Variants in ZNF678 observed in about 807,000 individuals in gnomAD.
The protein encoded by ZNF678 is zinc finger protein 678.
In ZNF678, 5 loss-of-function variants were observed where a neutral mutation model predicts 3.0. That is an observed-to-expected ratio of 1.69 (90% CI 0.88 to 3.56). The LOEUF (loss-of-function observed/expected upper bound fraction) is 3.56, where lower values mean the gene tolerates loss of function less well. Among genes scored for constraint, ZNF678 ranks in the 30% most tolerant of loss-of-function variants. The pLI is 0.00. For missense variants in ZNF678, 593 were observed against 605.0 expected, an observed-to-expected ratio of 0.98 and a Z score of 0.21; for synonymous variants, 218 against 199.6, an observed-to-expected ratio of 1.09 and a Z score of -0.78.
In ZNF678 at chr1:227,660,778, A is replaced by G. The variant is rs1161049956; in HGVS notation, c.*4950A>G. 1 of 152,198 alleles carries G rather than the reference A, an allele frequency of 6.6e-6. No homozygotes were observed. The highest frequency in any genetic ancestry group is 1.5e-5 in the Non-Finnish European group (1 of 68,030). 9.4% of individuals were successfully genotyped at this position (152,198 alleles called of 1,614,324 possible). A position where few individuals can be genotyped will look rare whatever the true frequency, so the allele number is the denominator to read the frequency against. ...TGAAGTTAGATATATTTGCCTTACT[A>G]TAACTCTTAGAAAAAAGGCTTACAA... On this transcript the variant is annotated 3_prime_UTR_variant, in exon 4 of 4. Transcript: ENST00000343776.
intron 1 of ZNF678, among the ~76,000 whole-genome samples, chr1:227,632,222 A>G (rs932433264): frequency 3.3e-5 from 5 of 151,964 alleles, no homozygotes; most frequent in Non-Finnish European, 7.4e-5. Context: ...CCTAGTGCCT[A>G]AGGATGCAGT....
chr1:227,573,107 T>C (rs534321215), intron 1 of ZNF678, among the ~76,000 whole-genome samples: 7 of 152,158 alleles, frequency 4.6e-5, no homozygotes, highest in Admixed American at 2.0e-4. Context: ...CCAGGTGCGG[T>C]GACAAGAAGG....
intron 1 of ZNF678, among the ~76,000 whole-genome samples, chr1:227,621,229 G>C (rs1199588144): frequency 6.6e-6 from 1 of 152,206 alleles, no homozygotes; most frequent in South Asian, 2.1e-4. Flanking sequence ...CTGGACAACA[G>C]AGCAAGATTC....
chr1:227,645,374 G>A lies in ZNF678; in HGVS notation c.-163-1170G>A, dbSNP rs1248638620. On this transcript the variant is annotated intron_variant, in intron 1 of 3. Transcript: ENST00000343776. ...AGCTGTTTCTCCAGAAATGTCATGT[G>A]TTTAAAACTTGCAGACTTTTATTTA... Among the ~76,000 whole-genome samples the A allele has an allele frequency of 5.9e-5, 9 of 152,256 alleles. No homozygotes were observed. The South Asian group carries it at 1.2e-3, about 21-fold the overall frequency.
At chr1:227,667,225 A>G (rs1475603648), downstream of ZNF678, among the ~76,000 whole-genome samples, 9 of 151,842 alleles carry the variant, frequency 5.9e-5, no homozygotes, top group Non-Finnish European at 2.9e-5. Context: ...TTGTAGAGAC[A>G]GGGTTTTGCC....
intron 1 of ZNF678, among the ~76,000 whole-genome samples, chr1:227,573,895 C>A (rs1473570292): frequency 1.3e-5 from 2 of 152,306 alleles, no homozygotes; most frequent in East Asian, 3.9e-4. Flanking sequence ...CATCATTTAG[C>A]TTCCACTTAC....
intron 1 of ZNF678, among the ~76,000 whole-genome samples, chr1:227,636,434 T>G (rs1658681354): frequency 6.6e-6 from 1 of 152,206 alleles, no homozygotes; most frequent in East Asian, 1.9e-4. Context: ...TTGGTTTTGT[T>G]GCGCCGAGCA....
At position 227,646,634 on chromosome 1, in the gene ZNF678, G is replaced by A. The variant is rs761007656; in HGVS notation, c.-73G>A. 1 of 1,372,494 alleles carries A rather than the reference G, an allele frequency of 7.3e-7. No individual in the cohort carries two copies. Among genetic ancestry groups the A allele is most frequent in the South Asian group, 1.1e-5 (1 of 88,950 alleles). 85.0% of individuals were successfully genotyped at this position (1,372,494 alleles called of 1,614,324 possible). ...TGCCCAGCGAAATTTGTATAGGGAT[G>A]TGATGTTCGAGAACTACAGAAACCT... On this transcript the variant is annotated 5_prime_UTR_variant, in exon 2 of 4. It adds an upstream start codon to the 5' untranslated region. Transcript: ENST00000343776.
rs1428265867 is a variant in ZNF678, at chr1:227,654,639, G to A, written c.389G>A (p.Cys130Tyr). 1 of 1,613,350 alleles carries A rather than the reference G, an allele frequency of 6.2e-7. No homozygotes were observed. Among genetic ancestry groups the A allele is most frequent in the Non-Finnish European group, 8.5e-7 (1 of 1,179,564 alleles). Residue 130 changes from cysteine to tyrosine, a missense_variant, in exon 4 of 4, where the codon TGT becomes TAT. By Grantham distance (194) the Cys-to-Tyr change is radical. Transcript: ENST00000343776. ...TGEKPYKCEE[C>Y]GKVFNRCSNL... The stretch of plus-strand genomic sequence containing the variant: ...GAGAAGCCATACAAATGTGAAGAAT[G>A]TGGCAAAGTTTTCAATCGATGTTCA...
chr1:227,679,186 GA>G (rs1415600967), downstream of ZNF678, among the ~76,000 whole-genome samples: 8 of 150,054 alleles, frequency 5.3e-5, no homozygotes, highest in East Asian at 3.9e-4. Context: ...AGAGTTAATA[GA>G]AAAAAAAAGA....
chr1:227,563,657 C>T lies in ZNF678; in HGVS notation c.-231C>T, dbSNP rs1344698677. On this transcript the variant is annotated 5_prime_UTR_variant, in exon 1 of 4. Coordinates refer to ENST00000343776, the MANE Select transcript of ZNF678 (RefSeq NM_001367909.1). ...ACTCTGCTGCTGCAGTGTCTGGTTT[C>T]CCTGTGACCTGCAGGTACTGGGAGT... 6.1e-6 allele frequency: 8 copies of T among 1,320,162 alleles called. No homozygotes were observed. The Admixed American group carries it at 1.1e-4, about 18-fold the overall frequency. 81.8% of individuals were successfully genotyped at this position (1,320,162 alleles called of 1,614,324 possible).
intron 1 of ZNF678, among the ~76,000 whole-genome samples, chr1:227,574,302 A>G (rs10916168): frequency 0.98 from 149,521 of 152,354 alleles, 73,431 homozygotes; most frequent in Middle Eastern, 1. Flanking sequence ...GTGTATAAGG[A>G]TCTTTTTCTC....
chr1:227,664,504 C>G (rs536584304), downstream of ZNF678, among the ~76,000 whole-genome samples: 2 of 152,204 alleles, frequency 1.3e-5, no homozygotes, highest in South Asian at 4.1e-4. Context: ...TCCTGAGATG[C>G]CCTGTGTTAA....
intron 1 of ZNF678, among the ~76,000 whole-genome samples, chr1:227,608,570 CAG>C (rs1657937715): frequency 6.6e-6 from 1 of 152,102 alleles, no homozygotes; most frequent in African/African-American, 2.4e-5. Context: ...CTGTTGGGTT[CAG>C]AAGCTATTCT....
intron 1 of ZNF678, among the ~76,000 whole-genome samples, chr1:227,565,326 A>T (rs974351051): frequency 2.0e-5 from 3 of 151,664 alleles, no homozygotes; most frequent in African/African-American, 7.3e-5. Flanking sequence ...TCCCTCCCAA[A>T]GCGTTGGGAT....
intron 1 of ZNF678, among the ~76,000 whole-genome samples, chr1:227,613,434 C>G (rs536110767): frequency 2.0e-5 from 3 of 152,328 alleles, no homozygotes; most frequent in East Asian, 3.9e-4. Flanking sequence ...CTGCACTTCT[C>G]TTTTTCCAGT....
downstream of ZNF678, among the ~76,000 whole-genome samples, chr1:227,667,193 G>A (rs1462748615): frequency 1.3e-5 from 2 of 151,692 alleles, no homozygotes; most frequent in African/African-American, 2.4e-5. Flanking sequence ...ACAGGTGCAC[G>A]CCAGCACACC....
intron 1 of ZNF678, among the ~76,000 whole-genome samples, chr1:227,610,786 T>G (rs1179465454): frequency 1.3e-5 from 2 of 152,034 alleles, no homozygotes; most frequent in Non-Finnish European, 2.9e-5. Context: ...CCCTATAATA[T>G]CCACTCAAGT....
At chr1:227,571,066 A>C (rs1489652194) in intron 1 of ZNF678, among the ~76,000 whole-genome samples, 1 of 152,138 alleles carries the variant, frequency 6.6e-6, no homozygotes, top group Non-Finnish European at 1.5e-5. Flanking sequence ...TGAGGCTATT[A>C]TTTGCTTTTA....
Sources: allele counts gnomAD v4.1 joint callset (sites outside exome capture counted in the v4.1 genomes callset), GRCh38; gene constraint gnomAD v4.1.1; transcripts MANE v1.5; gene names NCBI Gene and HGNC (gene_info 2026-07-23, HGNC 2026-07-21).